Variants in RAB40B observed in about 807,000 individuals in gnomAD.
RAB40B encodes the protein ras-related protein Rab-40B.
In RAB40B, 21 loss-of-function variants were observed where a neutral mutation model predicts 24.0. That is an observed-to-expected ratio of 0.88 (90% CI 0.62 to 1.26). The LOEUF (loss-of-function observed/expected upper bound fraction) is 1.26. RAB40B is among the 50% of genes most tolerant of loss of function. The pLI, the probability that RAB40B is intolerant of heterozygous loss-of-function variation, is 0.00. For missense variants in RAB40B, 348 were observed against 390.5 expected, an observed-to-expected ratio of 0.89 and a Z score of 0.92; for synonymous variants, 167 against 169.8, an observed-to-expected ratio of 0.98 and a Z score of 0.13.
intron 3 of RAB40B, 134 bp downstream of exon 3, chr17:82,660,853 C>A: frequency 8.7e-7 from 1 of 1,148,400 alleles, no homozygotes; most frequent in Non-Finnish European, 1.2e-6. Flanking sequence ...CGTTTTTAGA[C>A]TCTCAGCACC....
intron 1 of RAB40B, among the ~76,000 whole-genome samples, chr17:82,690,005 CCTT>C (rs923721809): frequency 6.6e-6 from 1 of 151,752 alleles, no homozygotes; most frequent in Non-Finnish European, 1.5e-5. Context: ...ATCATCTCCT[CCTT>C]AAGGACTGCA....
Position 82,658,079 on chromosome 17 carries a change from G to T in RAB40B, c.621C>A (p.His207Gln). The change falls in exon 6 of 6, where the codon CAC becomes CAA. Residue 207 changes from histidine to glutamine, a missense_variant. Physicochemically the swap from His to Gln is conservative, Grantham distance 24. This residue lies in a region of RAB40B where 121 missense variants were observed against 124.0 expected (regional missense o/e 0.98). Transcript: ENST00000571995. ...CRAVVSCTPV[H>Q]LVDKLPLPIA... ...TGGGGAGCGGGAGCTTGTCCACCAGGTGCACCGGCGTGCAGGACACGACCG... is the reference window on the plus strand; with the variant it reads ...TGGGGAGCGGGAGCTTGTCCACCAGTTGCACCGGCGTGCAGGACACGACCG... 1 of 1,614,184 alleles carries T rather than the reference G, an allele frequency of 6.2e-7. No homozygotes were observed. The highest frequency in any genetic ancestry group is 8.5e-7 in the Non-Finnish European group (1 of 1,180,044).
chr17:82,665,471 C>A (rs1445163796), intron 1 of RAB40B, among the ~76,000 whole-genome samples: 2 of 152,128 alleles, frequency 1.3e-5, no homozygotes, highest in Non-Finnish European at 2.9e-5. Flanking sequence ...CCAGGCTGGT[C>A]TCAAACGCCT....
At chr17:82,682,989 A>C (rs2046461062) in intron 1 of RAB40B, among the ~76,000 whole-genome samples, 1 of 152,166 alleles carries the variant, frequency 6.6e-6, no homozygotes, top group African/African-American at 2.4e-5. Flanking sequence ...TTAAAAATAC[A>C]AAAATTAGCC....
chr17:82,680,788 T>C (rs2046441304), intron 1 of RAB40B, among the ~76,000 whole-genome samples: 2 of 152,044 alleles, frequency 1.3e-5, no homozygotes, highest in African/African-American at 4.8e-5. Flanking sequence ...TCCCAGCACT[T>C]TGGAAGGCTG....
intron 1 of RAB40B, among the ~76,000 whole-genome samples, chr17:82,683,296 A>G (rs947376028): frequency 6.6e-6 from 1 of 152,246 alleles, no homozygotes; most frequent in South Asian, 2.1e-4. Flanking sequence ...GATGGTCTAT[A>G]AAAGAAAAAA....
At chr17:82,684,907 A>G (rs2046482060) in intron 1 of RAB40B, among the ~76,000 whole-genome samples, 1 of 152,062 alleles carries the variant, frequency 6.6e-6, no homozygotes, top group Non-Finnish European at 1.5e-5. Flanking sequence ...TGAGGTCAGG[A>G]GTTCGAGACC....
In RAB40B at chr17:82,697,606, G is replaced by A. The variant is rs2046623202; in HGVS notation, c.142+849C>T. Among the ~76,000 whole-genome samples the A allele has an allele frequency of 6.6e-6, 1 of 152,192 alleles. No individual in the cohort carries two copies. Among genetic ancestry groups the A allele is most frequent in the Non-Finnish European group, 1.5e-5 (1 of 68,028 alleles). ...GCCTCGTCCAAGCTGTTCCAGGGAT[G>A]CGCGTGGGTGAAGGCCCCGCCTGCT... On this transcript the variant is annotated intron_variant, in intron 1 of 5. Transcript: ENST00000571995. The surrounding 1 kb of genome is among the most constrained non-coding windows in gnomAD (Gnocchi z 4.9).
Position 82,658,503 on chromosome 17 carries a change from G to T in RAB40B, c.553C>A (p.Arg185=). Reference sequence around the variant, plus strand: ...CCCCTGGGCCTACCCTTGCTCGGCCGCCAGAGCCGGTCCATCCCATGCCGC... The same window carrying T: ...CCCCTGGGCCTACCCTTGCTCGGCCTCCAGAGCCGGTCCATCCCATGCCGC... The part of the protein sequence containing the change: ...LLRHGMDRLW[R]PSKVLSLQDL... Residue 185 remains arginine (R), a synonymous_variant, in exon 5 of 6, where the codon CGG becomes AGG. Coordinates refer to ENST00000571995, the MANE Select transcript of RAB40B (RefSeq NM_006822.3). 1 of 1,612,026 alleles carries T rather than the reference G, an allele frequency of 6.2e-7. No individual in the cohort carries two copies. Among genetic ancestry groups the T allele is most frequent in the Non-Finnish European group, 8.5e-7 (1 of 1,179,830 alleles).
chr17:82,689,655 G>A (rs574144411), intron 1 of RAB40B, among the ~76,000 whole-genome samples: 66 of 152,290 alleles, frequency 4.3e-4, no homozygotes, highest in Non-Finnish European at 8.1e-4. Context: ...TTTCTCACAA[G>A]TGGTACCGCA....
chr17:82,686,730 T>TC (rs2046506066), intron 1 of RAB40B, among the ~76,000 whole-genome samples: 1 of 152,236 alleles, frequency 6.6e-6, no homozygotes, highest in Non-Finnish European at 1.5e-5. Flanking sequence ...AATAAATCTC[T>TC]GTTTCAATTT....
At chr17:82,662,834 AC>A (rs2046191653) in intron 2 of RAB40B, 1 of 985,126 alleles carries the variant, frequency 1.0e-6, no homozygotes, top group Admixed American at 6.1e-5. Context: ...GAGCAGCCAG[AC>A]CCGGGGTGGA....
chr17:82,688,062 C>T (rs561976128), intron 1 of RAB40B, among the ~76,000 whole-genome samples: 180 of 151,942 alleles, frequency 1.2e-3, no homozygotes, highest in Non-Finnish European at 2.2e-3. Context: ...ATAAGCCAGA[C>T]CCGGTTTCAA....
At chr17:82,664,595 A>C (rs2046231187) in intron 1 of RAB40B, 39 bp from the exon 2 acceptor site, 1 of 1,589,180 alleles carries the variant, frequency 6.3e-7, no homozygotes, top group South Asian at 1.1e-5. Flanking sequence ...CTGAGGCTGC[A>C]GCTAACAGGA....
In RAB40B at chr17:82,692,882, C is replaced by T. The variant is rs61354261; in HGVS notation, c.142+5573G>A. Among the ~76,000 whole-genome samples the T allele has an allele frequency of 0.059, 8,911 of 152,130 alleles. 336 individuals carry two copies. Among genetic ancestry groups the T allele is most frequent in the East Asian group, 0.13 (669 of 5,168 alleles). ...GAGTGGCTATCCAGGATCACACAGC[C>T]GACAAAGGACTCACAGCCAGAATCT... On this transcript the variant is annotated intron_variant, in intron 1 of 5. Transcript: ENST00000571995. The surrounding 1 kb of genome is among the most constrained non-coding windows in gnomAD (Gnocchi z 4.0).
chr17:82,690,317 G>A (rs2046543190), intron 1 of RAB40B, among the ~76,000 whole-genome samples: 2 of 148,360 alleles, frequency 1.3e-5, no homozygotes, highest in Admixed American at 1.4e-4. Flanking sequence ...GAGACGGAGT[G>A]TGCATGTGTG....
Position 82,655,215 on chromosome 17 carries a change from T to C in RAB40B, c.*2648A>G, listed in dbSNP as rs1232261818. The stretch of plus-strand genomic sequence containing the variant: ...TTCTCGTAGCTCTGGAAGCCGGAAG[T>C]CCAAAACCAATAACTTGGCAGGGCT... On this transcript the variant is annotated 3_prime_UTR_variant, in exon 6 of 6. Coordinates refer to ENST00000571995, the MANE Select transcript of RAB40B (RefSeq NM_006822.3). The C allele has an allele frequency of 6.6e-6, 1 of 152,084 alleles. No homozygotes were observed. Among genetic ancestry groups the C allele is most frequent in the Non-Finnish European group, 1.5e-5 (1 of 68,014 alleles). The allele number at this position is 152,084 out of a possible 1,614,324, so 9.4% of individuals were successfully genotyped here. A position where few individuals can be genotyped will look rare whatever the true frequency, so the allele number is the denominator to read the frequency against.
At position 82,663,970 on chromosome 17, in the gene RAB40B, G is replaced by A. The variant is rs1568031921; in HGVS notation, c.203+526C>T. Among the ~76,000 whole-genome samples the A allele has an allele frequency of 6.6e-6, 1 of 151,610 alleles. No homozygotes were observed. Among genetic ancestry groups the A allele is most frequent in the Non-Finnish European group, 1.5e-5 (1 of 67,792 alleles). On this transcript the variant is annotated intron_variant, in intron 2 of 5. Transcript: ENST00000571995. The surrounding 1 kb of genome is among the most constrained non-coding windows in gnomAD (Gnocchi z 6.2). ...GCTGGGGCTGGGGGTGCTCCCCGGG[G>A]CGCTGTGCCGACGGTGGTGGTGGGA...
At chr17:82,672,882 C>G (rs368059082) in intron 1 of RAB40B, among the ~76,000 whole-genome samples, 2 of 152,180 alleles carry the variant, frequency 1.3e-5, no homozygotes, top group South Asian at 2.1e-4. Flanking sequence ...CCTTCATGTA[C>G]GAATTTTTGT....
Sources: allele counts gnomAD v4.1 joint callset (sites outside exome capture counted in the v4.1 genomes callset), GRCh38; gene constraint gnomAD v4.1.1; regional missense constraint gnomAD v4.1.1; non-coding constraint Gnocchi (gnomAD v3.1); transcripts MANE v1.5; gene names NCBI Gene and HGNC (gene_info 2026-07-23, HGNC 2026-07-21).